The following KLHL3 variants were observed in gnomAD, a reference collection of about 807,000 sequenced individuals.
The protein encoded by KLHL3 is kelch-like protein 3.
KLHL3 carries 19 observed loss-of-function variants against 70.5 expected under a neutral mutation model. The ratio of observed to expected loss-of-function variants is 0.27; its 90% CI spans 0.19 to 0.40. KLHL3 has a LOEUF of 0.40. Among genes scored for constraint, KLHL3 ranks in the 10% least tolerant of loss-of-function variants. The pLI, the probability that KLHL3 is intolerant of heterozygous loss-of-function variation, is 1.00. For synonymous variants in KLHL3, 258 were observed against 290.3 expected, an observed-to-expected ratio of 0.89 and a Z score of 1.13; for missense variants, 512 against 771.1, an observed-to-expected ratio of 0.66 and a Z score of 3.98.
chr5:137,682,018 C>A (rs377358186), intron 5 of KLHL3, among the ~76,000 whole-genome samples: 1 of 152,062 alleles, frequency 6.6e-6, no homozygotes, highest in Non-Finnish European at 1.5e-5. Context: ...GTGATATATT[C>A]CCAGGCAAGG....
intron 6 of KLHL3, among the ~76,000 whole-genome samples, chr5:137,673,197 G>T (rs1004239542): frequency 2.0e-5 from 3 of 152,166 alleles, no homozygotes; most frequent in Non-Finnish European, 4.4e-5. Context: ...TTAAATGAAG[G>T]TTGCCAGGTG....
chr5:137,692,625 G>A, intron 4 of KLHL3, 178 bp from the exon 5 acceptor site: 1 of 598,204 alleles, frequency 1.7e-6, no homozygotes. Flanking sequence ...GCCCTTCACG[G>A]ACCCTAAACA....
At chr5:137,646,061 T>C (rs189650063) in intron 8 of KLHL3, among the ~76,000 whole-genome samples, 79 of 152,140 alleles carry the variant, frequency 5.2e-4, no homozygotes, top group African/African-American at 1.8e-3. Flanking sequence ...ACCCAGAATA[T>C]ATAAGGAACT....
chr5:137,662,845 C>T (rs1479925315), intron 6 of KLHL3, among the ~76,000 whole-genome samples: 1 of 152,094 alleles, frequency 6.6e-6, no homozygotes, highest in African/African-American at 2.4e-5. Context: ...AATGTGCATT[C>T]TCGTTGACTT....
chr5:137,727,455 T>A (rs1240698913), intron 1 of KLHL3, among the ~76,000 whole-genome samples: 1 of 152,150 alleles, frequency 6.6e-6, no homozygotes, highest in Admixed American at 6.5e-5. Flanking sequence ...CCTCACTGAT[T>A]CCTCACTGCA....
At chr5:137,632,188 C>T (rs920250898) in intron 12 of KLHL3, among the ~76,000 whole-genome samples, 11 of 151,964 alleles carry the variant, frequency 7.2e-5, no homozygotes, top group Non-Finnish European at 5.9e-5. Flanking sequence ...AAAAAGAGCC[C>T]GAATAGCCAA....
At chr5:137,690,903 T>C (rs909620479) in intron 5 of KLHL3, among the ~76,000 whole-genome samples, 3 of 152,164 alleles carry the variant, frequency 2.0e-5, no homozygotes, top group Non-Finnish European at 4.4e-5. Context: ...AGGAGGTGTT[T>C]TATTGCAAGG....
intron 12 of KLHL3, chr5:137,629,694 AG>A (rs1750580630): frequency 6.6e-6 from 1 of 152,228 alleles, no homozygotes; most frequent in African/African-American, 2.4e-5. Context: ...GCAATTATGC[AG>A]GTATGCTAGT....
At chr5:137,692,009 C>G (rs1752334628) in intron 5 of KLHL3, among the ~76,000 whole-genome samples, 1 of 152,178 alleles carries the variant, frequency 6.6e-6, no homozygotes, top group African/African-American at 2.4e-5. Context: ...AGACCTAGCT[C>G]AGTTTGCTCT....
intron 7 of KLHL3, among the ~76,000 whole-genome samples, chr5:137,660,464 GTTCAC>G (rs1177262744): frequency 6.6e-6 from 1 of 152,198 alleles, no homozygotes; most frequent in Non-Finnish European, 1.5e-5. Flanking sequence ...GCTCAGGCAA[GTTCAC>G]TTCCTCCGCT....
chr5:137,630,387 C>A (rs1347355826), intron 12 of KLHL3, among the ~76,000 whole-genome samples: 1 of 152,264 alleles, frequency 6.6e-6, no homozygotes, highest in African/African-American at 2.4e-5. Context: ...GTGGCAGAGA[C>A]AAAGCAGCTG....
chr5:137,686,971 T>TG (rs1752185061), intron 5 of KLHL3, among the ~76,000 whole-genome samples: 2 of 9,664 alleles, frequency 2.1e-4, no homozygotes, highest in Non-Finnish European at 4.0e-4. Context: ...GGGAGGGAGG[T>TG]GGGGGGGTCA....
intron 1 of KLHL3, 64 bp from the exon 2 acceptor site, chr5:137,720,648 T>C: frequency 1.2e-6 from 2 of 1,604,716 alleles, no homozygotes; most frequent in South Asian, 2.2e-5. Flanking sequence ...TTCATCCAAC[T>C]GCCAAAAGCC....
At chr5:137,684,667 AAAC>A (rs147504481) in intron 5 of KLHL3, among the ~76,000 whole-genome samples, 1,708 of 152,336 alleles carry the variant, frequency 0.011, 31 homozygotes, top group African/African-American at 0.039. Context: ...TCCAATTACC[AAAC>A]AACAAAGTCC....
chr5:137,683,994 T>C (rs971094525), intron 5 of KLHL3, among the ~76,000 whole-genome samples: 7 of 151,966 alleles, frequency 4.6e-5, no homozygotes, highest in Non-Finnish European at 1.0e-4. Flanking sequence ...ATGCAGAAAA[T>C]CCAAGAGAGG....
intron 14 of KLHL3, among the ~76,000 whole-genome samples, chr5:137,624,628 T>C (rs1396692867): frequency 6.6e-6 from 1 of 152,244 alleles, no homozygotes; most frequent in African/African-American, 2.4e-5. Flanking sequence ...CTGACCTTTA[T>C]AATGCAAAAT....
intron 6 of KLHL3, among the ~76,000 whole-genome samples, chr5:137,662,656 G>C (rs1751511180): frequency 6.6e-6 from 1 of 152,150 alleles, no homozygotes; most frequent in South Asian, 2.1e-4. Flanking sequence ...CCTATACTTT[G>C]GATGTTCACT....
chr5:137,627,203 T>C (rs1369839590), intron 13 of KLHL3, among the ~76,000 whole-genome samples: 3 of 152,208 alleles, frequency 2.0e-5, no homozygotes, highest in Non-Finnish European at 4.4e-5. Context: ...AAGTTTAGTG[T>C]TGTAATAAGA....
intron 14 of KLHL3, among the ~76,000 whole-genome samples, chr5:137,624,066 A>G (rs552543780): frequency 1.9e-4 from 29 of 152,344 alleles, no homozygotes; most frequent in Admixed American, 9.2e-4. Context: ...TCCATAAACT[A>G]TATAAATATC....
Sources: gnomAD v4.1 joint callset for allele counts (sites outside exome capture counted in the v4.1 genomes callset) on GRCh38, gnomAD v4.1.1 for gene constraint, MANE v1.5 for transcripts, NCBI Gene and HGNC (gene_info 2026-07-23, HGNC 2026-07-21) for gene names.